The following PTPRE variants were observed in gnomAD, a reference collection of about 807,000 sequenced individuals.
PTPRE encodes the protein protein tyrosine phosphatase receptor type E.
In PTPRE, 51 loss-of-function variants were observed where a neutral mutation model predicts 102.0. That is an observed-to-expected ratio of 0.50 (90% CI 0.40 to 0.63). The LOEUF is 0.63. PTPRE is among the 30% of genes least tolerant of loss of function. The pLI is 0.00. For synonymous variants in PTPRE, 345 were observed against 348.2 expected (o/e 0.99, Z 0.10); for missense variants, 752 against 915.1 (o/e 0.82, Z 2.30).
At chr10:128,067,370 A>ATT (rs1463465216) in intron 11 of PTPRE, among the ~76,000 whole-genome samples, 4 of 145,938 alleles carry the variant, frequency 2.7e-5, no homozygotes, top group African/African-American at 1.0e-4. Context: ...ACGTGCACAC[A>ATT]TGCACACATT....
chr10:128,041,928 C>T (rs922598889), intron 3 of PTPRE, among the ~76,000 whole-genome samples: 3 of 152,154 alleles, frequency 2.0e-5, no homozygotes, highest in African/African-American at 4.8e-5. Flanking sequence ...AAATGTACCA[C>T]TGGCCCCAGG....
intron 7 of PTPRE, among the ~76,000 whole-genome samples, chr10:128,059,983 AACG>A (rs1200333504): frequency 2.0e-5 from 3 of 149,416 alleles, no homozygotes; most frequent in East Asian, 2.0e-4. Context: ...CACCGCACAT[AACG>A]CACACACATA....
In PTPRE at chr10:128,070,835, G is replaced by A; in HGVS notation, c.1321G>A (p.Glu441Lys). 5.6e-6 allele frequency: 9 copies of A among 1,614,116 alleles called. No individual in the cohort carries two copies. Among genetic ancestry groups the A allele is most frequent in the Non-Finnish European group, 7.6e-6 (9 of 1,179,942 alleles). Residue 441 changes from glutamate to lysine, a missense_variant, in exon 15 of 21, where the codon GAG (glutamate) becomes AAG (lysine). Glu to Lys is a moderately conservative substitution (Grantham distance 56, BLOSUM62 1). Around this residue, in one of 2 missense-constraint regions of PTPRE, gnomAD observed 636 missense variants for 824.4 expected, o/e 0.77. Coordinates refer to ENST00000254667, the MANE Select transcript of PTPRE (RefSeq NM_006504.6). This position sits in a 1 kb window ranked among gnomAD's most constrained non-coding sequence, Gnocchi z 4.8. The part of the protein sequence containing the change: ...RKLTNVRIMK[E>K]NMRTGNLPAN... ...ATTGACAAATGTCCGGATCATGAAG[G>A]AGAACATGAGGACGGGCAACTTGCC...
intron 1 of PTPRE, among the ~76,000 whole-genome samples, chr10:127,955,636 T>A (rs559489084): frequency 6.6e-6 from 1 of 152,358 alleles, no homozygotes; most frequent in East Asian, 1.9e-4. Flanking sequence ...TCATGAGATA[T>A]AAGGAGAAGA....
At chr10:128,046,391 G>T (rs1207895799) in intron 3 of PTPRE, among the ~76,000 whole-genome samples, 1 of 152,206 alleles carries the variant, frequency 6.6e-6, no homozygotes, top group Non-Finnish European at 1.5e-5. Flanking sequence ...GGTGCTTCTG[G>T]GAACTTAAAG....
chr10:127,920,537 T>C (rs934942913), intron 1 of PTPRE, among the ~76,000 whole-genome samples: 6 of 152,164 alleles, frequency 3.9e-5, no homozygotes, highest in South Asian at 2.1e-4. Flanking sequence ...TCCACCCAGA[T>C]TGCATTTATG....
chr10:128,071,599 G>A (rs1268188520), intron 15 of PTPRE: 1 of 155,386 alleles, frequency 6.4e-6, no homozygotes. Flanking sequence ...GAGGAACTAG[G>A]GAGGGAGGTG....
intron 12 of PTPRE, 86 bp downstream of exon 12, chr10:128,068,372 A>G (rs998090459): frequency 3.5e-5 from 52 of 1,465,120 alleles, no homozygotes; most frequent in Non-Finnish European, 4.5e-5. Flanking sequence ...CAGGGGACCA[A>G]TATCAGGGTG....
intron 11 of PTPRE, among the ~76,000 whole-genome samples, chr10:128,067,014 A>T (rs931575989): frequency 1.5e-4 from 22 of 150,704 alleles, no homozygotes; most frequent in African/African-American, 4.9e-4. Context: ...ACACCTACCC[A>T]CACACAGGCA....
chr10:128,077,480 T>A (rs1851311311), intron 18 of PTPRE, 137 bp from the exon 19 acceptor site: 1 of 1,130,046 alleles, frequency 8.8e-7, no homozygotes, highest in Non-Finnish European at 1.2e-6. Context: ...TCCTTCAGGC[T>A]GCCTCGGTGG....
At chr10:127,978,339 G>C (rs2135451663) in intron 1 of PTPRE, among the ~76,000 whole-genome samples, 1 of 152,126 alleles carries the variant, frequency 6.6e-6, no homozygotes, top group Middle Eastern at 3.4e-3. Context: ...AGGAGTTCGA[G>C]ACCAGTCTGG....
intron 1 of PTPRE, among the ~76,000 whole-genome samples, chr10:127,908,014 C>G (rs1446484417): frequency 6.6e-6 from 1 of 152,166 alleles, no homozygotes; most frequent in Non-Finnish European, 1.5e-5. Context: ...TGGGGAAGGC[C>G]GGGCAACCCA....
At chr10:128,038,305 G>C (rs976152140) in intron 2 of PTPRE, among the ~76,000 whole-genome samples, 1 of 152,118 alleles carries the variant, frequency 6.6e-6, no homozygotes, top group Non-Finnish European at 1.5e-5. Context: ...TCCCATTACT[G>C]GGTATATACC....
At chr10:127,982,209 C>A in intron 1 of PTPRE, 65 bp from the exon 2 acceptor site, 1 of 1,069,384 alleles carries the variant, frequency 9.4e-7, no homozygotes, top group Non-Finnish European at 1.2e-6. Flanking sequence ...AAGGAAATGG[C>A]TAGAATTAGC....
chr10:127,982,644 T>C (rs1851735758), intron 2 of PTPRE, among the ~76,000 whole-genome samples: 2 of 152,138 alleles, frequency 1.3e-5, no homozygotes, highest in Non-Finnish European at 2.9e-5. Context: ...CTTATCTCAA[T>C]GGCACACATC....
chr10:128,038,217 T>G (rs903183717), intron 2 of PTPRE, among the ~76,000 whole-genome samples: 1 of 152,158 alleles, frequency 6.6e-6, no homozygotes, highest in African/African-American at 2.4e-5. Flanking sequence ...AAGTTGTCAT[T>G]GGCCTTAAAA....
intron 2 of PTPRE, among the ~76,000 whole-genome samples, chr10:127,994,643 A>C (rs1853064545): frequency 6.6e-6 from 1 of 152,148 alleles, no homozygotes; most frequent in African/African-American, 2.4e-5. Flanking sequence ...GGCTCAGTCA[A>C]TTTTCAGTGA....
At chr10:127,931,519 C>A (rs1416120266) in intron 1 of PTPRE, among the ~76,000 whole-genome samples, 1 of 152,190 alleles carries the variant, frequency 6.6e-6, no homozygotes, top group Admixed American at 6.5e-5. Flanking sequence ...ATCTTTCTTT[C>A]TTTCTGTTTT....
intron 2 of PTPRE, among the ~76,000 whole-genome samples, chr10:127,983,349 A>G (rs1415836491): frequency 2.0e-5 from 3 of 152,190 alleles, no homozygotes; most frequent in Non-Finnish European, 2.9e-5. Context: ...TTTGTTGTCT[A>G]TGTTCTCCAT....
Sources: gnomAD v4.1 joint callset for allele counts (sites outside exome capture counted in the v4.1 genomes callset) on GRCh38, gnomAD v4.1.1 for gene constraint, gnomAD v4.1.1 regional missense constraint, Gnocchi (gnomAD v3.1) non-coding constraint, MANE v1.5 for transcripts, NCBI Gene and HGNC (gene_info 2026-07-23, HGNC 2026-07-21) for gene names.